NCF2: variants seen among roughly 807,000 people sequenced by gnomAD.
NCF2 encodes the protein neutrophil cytosol factor 2.
NCF2 carries 45 observed loss-of-function variants against 70.9 expected under a neutral mutation model. That is an observed-to-expected ratio of 0.63 (90% CI 0.50 to 0.81). The LOEUF is 0.81. Among genes scored for constraint, NCF2 ranks in the 40% least tolerant of loss-of-function variants. The probability of loss-of-function intolerance (pLI) is 0.00; values close to 1 mark genes in which losing one functional copy is unlikely to be tolerated. For synonymous variants in NCF2, 203 were observed against 233.6 expected, an observed-to-expected ratio of 0.87 and a Z score of 1.19; for missense variants, 522 against 631.6, an observed-to-expected ratio of 0.83 and a Z score of 1.86.
intron 2 of NCF2, among the ~76,000 whole-genome samples, chr1:183,585,234 T>C (rs992538088): frequency 1.3e-5 from 2 of 152,198 alleles, no homozygotes; most frequent in African/African-American, 4.8e-5. Context: ...CTCTCTCTGA[T>C]GTCTGGACAT....
At chr1:183,564,117 T>C in intron 10 of NCF2, 87 bp from the exon 11 acceptor site, 1 of 1,301,122 alleles carries the variant, frequency 7.7e-7, no homozygotes, top group African/African-American at 1.5e-5. Flanking sequence ...ATGAAACCTC[T>C]TCAAATAGGG....
rs1164810077 is a variant in NCF2 at position 183,590,291 on chromosome 1, C to T, written c.39G>A (p.Gly13=). The change falls in exon 1 of 15, where the codon GGG becomes GGA. Residue 13 remains glycine, a synonymous_variant. Coordinates refer to ENST00000367535, the MANE Select transcript of NCF2 (RefSeq NM_000433.4). ...LVEAISLWNE[G]VLAADKKDWK... Reference sequence around the variant, plus strand: ...AGTCCTTCTTGTCCGCTGCCAGCACCCCTTCATTCCAGAGGCTGATGGCCT... The same window carrying T: ...AGTCCTTCTTGTCCGCTGCCAGCACTCCTTCATTCCAGAGGCTGATGGCCT... 1 of 1,614,058 alleles carries T rather than the reference C, an allele frequency of 6.2e-7. No homozygotes were observed. The highest frequency in any genetic ancestry group is 1.7e-5 in the Admixed American group (1 of 60,012).
At chr1:183,569,888 C>A (rs1306548329) in intron 6 of NCF2, among the ~76,000 whole-genome samples, 1 of 152,178 alleles carries the variant, frequency 6.6e-6, no homozygotes, top group Non-Finnish European at 1.5e-5. Flanking sequence ...CTGTGCCTGG[C>A]CACTTCTGAG....
the NCF2 span, among the ~76,000 whole-genome samples, chr1:183,599,290 A>T: frequency 6.6e-6 from 1 of 152,150 alleles, no homozygotes; most frequent in African/African-American, 2.4e-5. Context: ...TTGAGGCAGG[A>T]GGATTGCTTG....
At chr1:183,564,473 T>G (rs1672218100) in intron 10 of NCF2, among the ~76,000 whole-genome samples, 1 of 152,222 alleles carries the variant, frequency 6.6e-6, no homozygotes, top group Non-Finnish European at 1.5e-5. Context: ...TCTAATCTAT[T>G]AATCAAGCAA....
upstream of NCF2, among the ~76,000 whole-genome samples, chr1:183,593,507 C>G (rs758608673): frequency 1.3e-4 from 20 of 152,212 alleles, no homozygotes; most frequent in Admixed American, 3.9e-4. Flanking sequence ...CCCAAGAACT[C>G]CAGCTACACA....
At chr1:183,599,887 G>A in the NCF2 span, among the ~76,000 whole-genome samples, 1 of 152,018 alleles carries the variant, frequency 6.6e-6, no homozygotes, top group African/African-American at 2.4e-5. Context: ...TTTCCTGGTA[G>A]GTGAATTGGG....
At chr1:183,590,902 G>A (rs1321799540), upstream of NCF2, 5 of 168,382 alleles carry the variant, frequency 3.0e-5, no homozygotes, top group African/African-American at 1.2e-4. Context: ...TGAAACCCGT[G>A]ACCTAGAGTG....
chr1:183,599,113 G>A, the NCF2 span, among the ~76,000 whole-genome samples: 111 of 152,324 alleles, frequency 7.3e-4, no homozygotes, highest in African/African-American at 2.5e-3. Flanking sequence ...CAGGTACAGC[G>A]GCTCATGCCT....
intron 1 of NCF2, among the ~76,000 whole-genome samples, chr1:183,587,595 C>CAAAAAAAAAAAAAAAA (rs11287969): frequency 1.9e-4 from 8 of 41,892 alleles, no homozygotes; most frequent in Non-Finnish European, 4.5e-5. Context: ...CACCCTGTCT[C>CAAAAAAAAAAAAAAAA]AAAAAAAAAA....
At chr1:183,577,728 A>T (rs1387381116) in intron 2 of NCF2, 21 bp from the exon 3 acceptor site, 1 of 1,507,054 alleles carries the variant, frequency 6.6e-7, no homozygotes, top group Non-Finnish European at 9.2e-7. Context: ...GAGGGAGAAA[A>T]TACAGCAGTC....
chr1:183,594,206 G>A (rs1673732962), upstream of NCF2, among the ~76,000 whole-genome samples: 1 of 152,080 alleles, frequency 6.6e-6, no homozygotes, highest in Non-Finnish European at 1.5e-5. Flanking sequence ...AGGAGTTAGA[G>A]ACCAGCCTGG....
intron 7 of NCF2, among the ~76,000 whole-genome samples, chr1:183,568,482 C>T (rs1167749272): frequency 6.6e-6 from 1 of 151,900 alleles, no homozygotes; most frequent in Non-Finnish European, 1.5e-5. Flanking sequence ...TTTTTAAAAC[C>T]TCCTTTTTGG....
rs1672635969 is a variant in NCF2, at chr1:183,573,037, C to T, written c.609+148G>A. The T allele has an allele frequency of 8.8e-6, 7 of 792,316 alleles. No individual in the cohort carries two copies. In the Admixed American group the frequency reaches 8.9e-5, roughly 10 times the overall value. 49.1% of individuals were successfully genotyped at this position (792,316 alleles called of 1,614,324 possible). A position where few individuals can be genotyped will look rare whatever the true frequency, so the allele number is the denominator to read the frequency against. On this transcript the variant is annotated intron_variant, in intron 5 of 14. Transcript: ENST00000367535. The stretch of plus-strand genomic sequence containing the variant: ...TAGACATGGTTGCCTATCTTTCAGC[C>T]AAACCTCTGTCCTATAAACAAGTCT...
At chr1:183,583,209 T>C (rs1216795094) in intron 2 of NCF2, among the ~76,000 whole-genome samples, 1 of 152,156 alleles carries the variant, frequency 6.6e-6, no homozygotes, top group Non-Finnish European at 1.5e-5. Flanking sequence ...CCCACCACCA[T>C]GTGCTGCTAA....
intron 2 of NCF2, among the ~76,000 whole-genome samples, chr1:183,578,926 C>T (rs1672927028): frequency 6.6e-6 from 1 of 152,220 alleles, no homozygotes. Flanking sequence ...GTGGGAGCAG[C>T]AGGCATAAGC....
intron 13 of NCF2, among the ~76,000 whole-genome samples, chr1:183,561,920 A>T (rs970044152): frequency 6.8e-6 from 1 of 147,528 alleles, no homozygotes; most frequent in Non-Finnish European, 1.5e-5. Context: ...TCAGCCTCCC[A>T]AGTAGCTGGG....
chr1:183,563,773 A>G, intron 11 of NCF2, 188 bp from the exon 12 acceptor site: 1 of 816,106 alleles, frequency 1.2e-6, no homozygotes, highest in Non-Finnish European at 2.0e-6. Flanking sequence ...TTGCTTGGAC[A>G]GGAATTCCTA....
At chr1:183,584,700 T>C (rs1031015503) in intron 2 of NCF2, among the ~76,000 whole-genome samples, 5 of 152,124 alleles carry the variant, frequency 3.3e-5, no homozygotes, top group Non-Finnish European at 5.9e-5. Flanking sequence ...AAGGATTTGT[T>C]GTTAGGCCTC....
Sources: allele counts gnomAD v4.1 joint callset (sites outside exome capture counted in the v4.1 genomes callset), GRCh38; gene constraint gnomAD v4.1.1; transcripts MANE v1.5; gene names NCBI Gene and HGNC (gene_info 2026-07-23, HGNC 2026-07-21).